The following ACTR2 variants were observed in gnomAD, a reference collection of about 807,000 sequenced individuals.
The protein encoded by ACTR2 is actin-related protein 2.
A neutral mutation model predicts 50.2 loss-of-function variants in ACTR2; 5 were observed. The observed-to-expected ratio is 0.10, with a 90% CI of 0.05 to 0.21. The LOEUF (loss-of-function observed/expected upper bound fraction) is 0.21, where lower values mean the gene tolerates loss of function less well. Ranked by LOEUF, ACTR2 falls within the 10% of genes least tolerant of loss-of-function variation. The pLI is 1.00. For synonymous variants in ACTR2, 140 were observed against 162.9 expected, an observed-to-expected ratio of 0.86 and a Z score of 1.07; for missense variants, 180 against 480.6, an observed-to-expected ratio of 0.37 and a Z score of 5.85.
At chr2:65,266,813 T>C (rs2104025387) in intron 8 of ACTR2, among the ~76,000 whole-genome samples, 1 of 152,204 alleles carries the variant, frequency 6.6e-6, no homozygotes, top group Middle Eastern at 3.4e-3. Context: ...AAGGGCTCAG[T>C]TGAGGTTAGT....
chr2:65,253,676 T>C, intron 4 of ACTR2, 52 bp from the exon 5 acceptor site: 2 of 1,591,028 alleles, frequency 1.3e-6, no homozygotes, highest in South Asian at 2.3e-5. Flanking sequence ...ACTCGCTGGC[T>C]TTGGTTTTCC....
intron 8 of ACTR2, among the ~76,000 whole-genome samples, chr2:65,265,623 T>C (rs368721845): frequency 2.6e-5 from 4 of 152,394 alleles, no homozygotes; most frequent in African/African-American, 9.6e-5. Context: ...AAAAACATCA[T>C]GTCTCAAAAT....
chr2:65,235,612 A>G (rs1671724374), intron 1 of ACTR2, among the ~76,000 whole-genome samples: 1 of 152,054 alleles, frequency 6.6e-6, no homozygotes, highest in South Asian at 2.1e-4. Flanking sequence ...AAAATTAGCC[A>G]GGTGCAGTGG....
At chr2:65,261,475 G>T (rs996290048) in intron 7 of ACTR2, 83 bp downstream of exon 7, 24 of 1,223,702 alleles carry the variant, frequency 2.0e-5, no homozygotes, top group Admixed American at 2.6e-5. Context: ...GAAATAGATG[G>T]AATTAAATAG....
chr2:65,240,228 G>A (rs1163906243), intron 2 of ACTR2, among the ~76,000 whole-genome samples: 3 of 152,138 alleles, frequency 2.0e-5, no homozygotes, highest in Admixed American at 1.3e-4. Context: ...AATGTGAAAC[G>A]CTGTGTTAGT....
chr2:65,250,972 A>G lies in ACTR2; in HGVS notation c.376-55A>G, dbSNP rs1672037848. The G allele has an allele frequency of 7.1e-6, 9 of 1,265,118 alleles. No individual in the cohort carries two copies. In the South Asian group the frequency reaches 1.1e-4, roughly 15 times the overall value. 78.4% of individuals were successfully genotyped at this position (1,265,118 alleles called of 1,614,324 possible). ...CTCTGTGACCATGAGGAAAACATTT[A>G]TTTATTATGTAATTTTCTAAATACC... On this transcript the variant is annotated intron_variant, in intron 3 of 8. Transcript: ENST00000260641.
chr2:65,236,065 C>CT (rs916868738), intron 1 of ACTR2, among the ~76,000 whole-genome samples: 32 of 152,228 alleles, frequency 2.1e-4, no homozygotes, highest in African/African-American at 7.5e-4. Flanking sequence ...TTTTAAAAGA[C>CT]TAAGTGGGGC....
intron 4 of ACTR2, among the ~76,000 whole-genome samples, chr2:65,252,352 A>G (rs1672068906): frequency 1.3e-5 from 2 of 152,142 alleles, no homozygotes; most frequent in Non-Finnish European, 1.5e-5. Context: ...AAAAGGAGGT[A>G]GTTTTAGGCC....
intron 6 of ACTR2, among the ~76,000 whole-genome samples, chr2:65,259,832 ATTAC>A (rs1157486744): frequency 4.6e-5 from 7 of 152,220 alleles, no homozygotes; most frequent in African/African-American, 4.8e-5. Context: ...GGGCGTGCTT[ATTAC>A]TTAGGACAAT....
At chr2:65,263,188 G>A (rs114918573) in intron 7 of ACTR2, among the ~76,000 whole-genome samples, 1,561 of 150,188 alleles carry the variant, frequency 0.01, 18 homozygotes, top group Non-Finnish European at 0.017. Flanking sequence ...GAGCCACCAC[G>A]CCCAGCCTTA....
chr2:65,245,999 A>ATAAG (rs10679018), intron 2 of ACTR2, among the ~76,000 whole-genome samples: 129,630 of 151,914 alleles, frequency 0.85, 55,431 homozygotes, highest in African/African-American at 0.89. Flanking sequence ...TGTGCTATTT[A>ATAAG]TTAGTTGGTG....
chr2:65,260,726 T>G (rs946757927), intron 6 of ACTR2, among the ~76,000 whole-genome samples: 5 of 147,960 alleles, frequency 3.4e-5, no homozygotes, highest in Non-Finnish European at 6.0e-5. Flanking sequence ...GGGCGTGGCA[T>G]ACCTTTTTTT....
At chr2:65,229,651 T>TAGGCTG (rs1671597532) in intron 1 of ACTR2, among the ~76,000 whole-genome samples, 1 of 146,136 alleles carries the variant, frequency 6.8e-6, no homozygotes, top group South Asian at 2.1e-4. Flanking sequence ...AGCTACTCGG[T>TAGGCTG]AGGCTGAGGC....
intron 1 of ACTR2, among the ~76,000 whole-genome samples, chr2:65,230,852 G>A (rs1671624424): frequency 6.6e-6 from 1 of 152,060 alleles, no homozygotes; most frequent in Admixed American, 6.6e-5. Context: ...TCAGGAGTTT[G>A]AGACCAGCAT....
At chr2:65,256,043 A>G (rs1456991452) in intron 6 of ACTR2, among the ~76,000 whole-genome samples, 1 of 152,224 alleles carries the variant, frequency 6.6e-6, no homozygotes. Flanking sequence ...AAAAATTAAA[A>G]AGGATTACAT....
At chr2:65,263,265 G>GT (rs368135966) in intron 7 of ACTR2, among the ~76,000 whole-genome samples, 65,108 of 133,110 alleles carry the variant, frequency 0.49, 16,383 homozygotes, top group Non-Finnish European at 0.56. Context: ...GGAGTTTTGG[G>GT]TTTTTTTTTT....
At chr2:65,257,832 C>G (rs1672180901) in intron 6 of ACTR2, among the ~76,000 whole-genome samples, 1 of 152,130 alleles carries the variant, frequency 6.6e-6, no homozygotes, top group Non-Finnish European at 1.5e-5. Flanking sequence ...CTTGTAGATT[C>G]TGGTTATTAA....
intron 1 of ACTR2, among the ~76,000 whole-genome samples, chr2:65,235,965 G>A (rs187228526): frequency 5.8e-4 from 89 of 152,222 alleles, no homozygotes; most frequent in African/African-American, 2.1e-3. Context: ...AGGTGGCATT[G>A]GGAGTGTGAA....
intron 3 of ACTR2, 30 bp downstream of exon 3, chr2:65,246,769 G>T: frequency 7.1e-7 from 1 of 1,398,920 alleles, no homozygotes. Context: ...ATGCATATGT[G>T]TATTTCTGTG....
Sources: gnomAD v4.1 joint callset for allele counts (sites outside exome capture counted in the v4.1 genomes callset) on GRCh38, gnomAD v4.1.1 for gene constraint, MANE v1.5 for transcripts, NCBI Gene and HGNC (gene_info 2026-07-23, HGNC 2026-07-21) for gene names.